Variants in PTPA observed in about 807,000 individuals in gnomAD.
PTPA encodes protein phosphatase 2 phosphatase activator, also known as serine/threonine-protein phosphatase 2A activator.
In PTPA, 13 loss-of-function variants were observed where a neutral mutation model predicts 43.6. The observed-to-expected ratio is 0.30, with a 90% CI of 0.19 to 0.47. PTPA has a LOEUF of 0.47. PTPA is among the 20% of genes least tolerant of loss of function. The pLI is 0.99. For synonymous variants in PTPA, 172 were observed against 158.2 expected (o/e 1.09, Z -0.66); for missense variants, 329 against 411.9 (o/e 0.80, Z 1.74).
intron 3 of PTPA, among the ~76,000 whole-genome samples, chr9:129,124,361 G>GCC (rs200723863): frequency 7.0e-4 from 1 of 1,436 alleles, no homozygotes; most frequent in East Asian, 0.083. Flanking sequence ...TATTTAAACA[G>GCC]CCCATCTTCA....
intron 8 of PTPA, among the ~76,000 whole-genome samples, chr9:129,141,479 T>A (rs535008623): frequency 6.6e-6 from 1 of 151,876 alleles, no homozygotes; most frequent in Non-Finnish European, 1.5e-5. Flanking sequence ...AAATGCTGCC[T>A]ATGAGCTGGG....
chr9:129,111,860 T>A, intron 1 of PTPA: 1 of 1,127,120 alleles, frequency 8.9e-7, no homozygotes, highest in Non-Finnish European at 1.1e-6. Flanking sequence ...GGCGCAACTC[T>A]GGGTTTTGTG....
At chr9:129,141,213 C>G (rs1349248549) in intron 8 of PTPA, among the ~76,000 whole-genome samples, 1 of 152,098 alleles carries the variant, frequency 6.6e-6, no homozygotes. Context: ...AGTAAGAGGC[C>G]TGCCAGGAGT....
chr9:129,143,323 A>T lies in PTPA; in HGVS notation c.894+771A>T, dbSNP rs531279562. On this transcript the variant is annotated intron_variant, in intron 9 of 9. Transcript: ENST00000393370. ...TTGGCCAGGGAAGGGCTGGATGTGA[A>T]GTTCCACACCTGGAGTGATGGGTCC... 58 of 703,062 alleles carry T rather than the reference A, an allele frequency of 8.2e-5. No homozygotes were observed. In the South Asian group the frequency reaches 8.6e-4, roughly 10 times the overall value. The allele number at this position is 703,062 out of a possible 1,614,324, so 43.6% of individuals were successfully genotyped here.
intron 5 of PTPA, among the ~76,000 whole-genome samples, chr9:129,134,202 A>G (rs1159995467): frequency 1.3e-5 from 2 of 151,922 alleles, no homozygotes; most frequent in East Asian, 1.9e-4. Context: ...TGCTCAGTAA[A>G]TATGGTGGAA....
At chr9:129,134,974 T>C in intron 6 of PTPA, 80 bp downstream of exon 6, 2 of 1,217,130 alleles carry the variant, frequency 1.6e-6, no homozygotes, top group East Asian at 2.3e-5. Flanking sequence ...AATGGGGTGC[T>C]CTAGGGTTCT....
At chr9:129,134,773 G>T (rs182859833) in intron 5 of PTPA, 22 bp from the exon 6 acceptor site, 1 of 1,585,994 alleles carries the variant, frequency 6.3e-7, no homozygotes, top group East Asian at 2.2e-5. Flanking sequence ...TACTGTCAAC[G>T]CTGGTTGTTT....
chr9:129,132,484 G>A (rs1349261427), intron 5 of PTPA, among the ~76,000 whole-genome samples: 1 of 152,058 alleles, frequency 6.6e-6, no homozygotes, highest in East Asian at 1.9e-4. Context: ...GACTACAGGT[G>A]TGCACCACCA....
At position 129,120,393 on chromosome 9, in the gene PTPA, C is replaced by T. The variant is rs1296048269; in HGVS notation, c.32-120C>T. The T allele has an allele frequency of 4.2e-5, 30 of 710,936 alleles. 1 individual carries two copies. In the East Asian group the frequency reaches 8.7e-4, roughly 21 times the overall value. The allele number at this position is 710,936 out of a possible 1,614,324, so 44.0% of individuals were successfully genotyped here. On this transcript the variant is annotated intron_variant, in intron 1 of 9. Transcript: ENST00000393370. ...GAGCCAAGATCGTGTCACTGGACTC[C>T]AGCCTGGGCAACAAGAGCAAAACTC...
At chr9:129,116,051 C>T (rs1290601484) in intron 1 of PTPA, among the ~76,000 whole-genome samples, 4 of 151,278 alleles carry the variant, frequency 2.6e-5, no homozygotes, top group Admixed American at 6.6e-5. Context: ...AGACGAGTCT[C>T]GCTCTGTCGC....
At chr9:129,122,982 G>A in intron 2 of PTPA, 70 bp from the exon 3 acceptor site, 1 of 1,244,514 alleles carries the variant, frequency 8.0e-7, no homozygotes, top group South Asian at 1.2e-5. Flanking sequence ...ACCTGGTGGA[G>A]CTCGGGGCAG....
chr9:129,117,248 T>C (rs1180314334), intron 1 of PTPA, among the ~76,000 whole-genome samples: 1 of 152,114 alleles, frequency 6.6e-6, no homozygotes. Context: ...GGTTTGGCCA[T>C]GTGGTCCAGG....
In PTPA at chr9:129,132,178, A is replaced by G. The variant is rs535719960; in HGVS notation, c.460+539A>G. On this transcript the variant is annotated intron_variant, in intron 5 of 9. Transcript: ENST00000393370. ...GAGTGTGTGGACACTTTAAAAGGGA[A>G]GTGTAGACAGGTGCAGTGGTGCGTG... 2.0e-5 allele frequency among the ~76,000 whole-genome samples: 3 copies of G among 152,166 alleles called. No individual in the cohort carries two copies. The East Asian group carries it at 5.8e-4, about 29-fold the overall frequency.
chr9:129,127,400 C>T (rs1849650387), intron 3 of PTPA, among the ~76,000 whole-genome samples: 1 of 152,208 alleles, frequency 6.6e-6, no homozygotes, highest in African/African-American at 2.4e-5. Flanking sequence ...TGGGCATCAC[C>T]CTGCTAGTTC....
At chr9:129,142,850 C>CCTT (rs1235907674) in intron 9 of PTPA, 1 of 1,529,932 alleles carries the variant, frequency 6.5e-7, no homozygotes, top group South Asian at 1.2e-5. Context: ...TGGGGGCCTC[C>CCTT]CTTCTCCTTT....
chr9:129,140,251 C>T (rs1162044893), intron 8 of PTPA: 1 of 152,698 alleles, frequency 6.5e-6, no homozygotes, highest in Non-Finnish European at 1.5e-5. Context: ...TCTTTCTCTT[C>T]TCCCTTTGTG....
chr9:129,143,133 T>G (rs1237093615), intron 9 of PTPA: 1 of 610,706 alleles, frequency 1.6e-6, no homozygotes. Context: ...CTCCCCCTGC[T>G]GGCAGGCAGC....
At chr9:129,123,179 A>G in intron 3 of PTPA, 41 bp downstream of exon 3, 1 of 1,525,066 alleles carries the variant, frequency 6.6e-7, no homozygotes, top group Non-Finnish European at 9.1e-7. Context: ...CTTTCCAAAA[A>G]TAGCTCCAGA....
In PTPA at chr9:129,139,593, G is replaced by A. The variant is rs1035382787; in HGVS notation, c.786+1901G>A. 4 of 152,182 alleles carry A rather than the reference G, an allele frequency of 2.6e-5. No homozygotes were observed. The East Asian group carries it at 5.8e-4, about 22-fold the overall frequency. 9.4% of individuals were successfully genotyped at this position (152,182 alleles called of 1,614,324 possible). On this transcript the variant is annotated intron_variant, in intron 8 of 9. Coordinates refer to ENST00000393370, the MANE Select transcript of PTPA (RefSeq NM_178000.3). The stretch of plus-strand genomic sequence containing the variant: ...CAGCACACGTTGTGTTGGTTCTCCA[G>A]AGCGCCCACCCTCTTCCACCTCGGA...
Sources: allele counts gnomAD v4.1 joint callset (sites outside exome capture counted in the v4.1 genomes callset), GRCh38; gene constraint gnomAD v4.1.1; transcripts MANE v1.5; gene names NCBI Gene and HGNC (gene_info 2026-07-23, HGNC 2026-07-21).